PKD1L1: variants seen among roughly 807,000 people sequenced by gnomAD.
PKD1L1 encodes polycystin-1-like protein 1.
In PKD1L1, 236 loss-of-function variants were observed where a neutral mutation model predicts 323.4. That is an observed-to-expected ratio of 0.73 (90% CI 0.66 to 0.81). The LOEUF (loss-of-function observed/expected upper bound fraction) is 0.81, where lower values mean the gene tolerates loss of function less well. Ranked by LOEUF, PKD1L1 falls within the 40% of genes least tolerant of loss-of-function variation. PKD1L1 has a pLI of 0.00. For missense variants in PKD1L1, 3,320 were observed against 3,508.0 expected (o/e 0.95, Z 1.35); for synonymous variants, 1,344 against 1,335.0 (o/e 1.01, Z -0.15).
At chr7:47,822,242 C>T (rs1314062790) in intron 45 of PKD1L1, among the ~76,000 whole-genome samples, 2 of 152,076 alleles carry the variant, frequency 1.3e-5, no homozygotes, top group African/African-American at 4.8e-5. Flanking sequence ...TATTCTAGTT[C>T]CTTTGCTTTC....
At chr7:47,923,582 G>A (rs1000946087) in intron 7 of PKD1L1, among the ~76,000 whole-genome samples, 2 of 151,656 alleles carry the variant, frequency 1.3e-5, no homozygotes, top group Admixed American at 6.6e-5. Flanking sequence ...GGGCTCTTGA[G>A]CAGCCACTTG....
chr7:47,922,816 C>T (rs1258723270), intron 7 of PKD1L1, among the ~76,000 whole-genome samples: 5 of 152,280 alleles, frequency 3.3e-5, no homozygotes, highest in South Asian at 4.1e-4. Context: ...TCTGCCCGGC[C>T]GCCACCCTGT....
chr7:47,885,644 G>T, intron 18 of PKD1L1, 42 bp downstream of exon 18: 1 of 1,568,666 alleles, frequency 6.4e-7, no homozygotes, highest in Non-Finnish European at 8.6e-7. Flanking sequence ...TAACTTTGGT[G>T]CCTAGACAAG....
At chr7:47,901,958 C>T (rs1159986642) in intron 13 of PKD1L1, among the ~76,000 whole-genome samples, 1 of 151,406 alleles carries the variant, frequency 6.6e-6, no homozygotes, top group Non-Finnish European at 1.5e-5. Flanking sequence ...TTTGGTGTTA[C>T]ATATATTCAA....
chr7:47,915,322 G>C, intron 8 of PKD1L1, 110 bp downstream of exon 8: 1 of 680,536 alleles, frequency 1.5e-6, no homozygotes, highest in South Asian at 1.6e-5. Context: ...CCCATAGAGT[G>C]TATAGCCAAT....
chr7:47,786,650 T>A (rs1786814077), intron 56 of PKD1L1, among the ~76,000 whole-genome samples: 1 of 152,116 alleles, frequency 6.6e-6, no homozygotes, highest in Non-Finnish European at 1.5e-5. Flanking sequence ...CAAAAGCAAA[T>A]CAAGAGGAAA....
intron 1 of PKD1L1, 137 bp from the exon 2 acceptor site, chr7:47,943,648 A>T: frequency 1.6e-6 from 1 of 642,546 alleles, no homozygotes; most frequent in East Asian, 2.9e-5. Flanking sequence ...TGCCATATGA[A>T]CAAAAAGACT....
chr7:47,906,192 C>T (rs570560931), intron 9 of PKD1L1, among the ~76,000 whole-genome samples: 28 of 152,262 alleles, frequency 1.8e-4, no homozygotes, highest in African/African-American at 6.5e-4. Flanking sequence ...AATGAGAACT[C>T]CCTGCATGGT....
At chr7:47,908,488 C>CT (rs1272103622) in intron 8 of PKD1L1, among the ~76,000 whole-genome samples, 7 of 152,184 alleles carry the variant, frequency 4.6e-5, no homozygotes, top group Non-Finnish European at 8.8e-5. Flanking sequence ...TCTTGAAATT[C>CT]TTCATAATTA....
intron 4 of PKD1L1, among the ~76,000 whole-genome samples, chr7:47,934,644 C>T (rs369298216): frequency 6.6e-6 from 1 of 152,022 alleles, no homozygotes; most frequent in African/African-American, 2.4e-5. Context: ...AAAGGGCACC[C>T]GTGTCTGTCC....
At chr7:47,838,800 C>T (rs1785507165) in intron 36 of PKD1L1, among the ~76,000 whole-genome samples, 1 of 150,556 alleles carries the variant, frequency 6.6e-6, no homozygotes, top group African/African-American at 2.4e-5. Flanking sequence ...ATCACTTGAA[C>T]CCGGGAGGCA....
intron 31 of PKD1L1, among the ~76,000 whole-genome samples, chr7:47,847,306 T>C (rs1195005360): frequency 6.6e-6 from 1 of 152,176 alleles, no homozygotes; most frequent in Non-Finnish European, 1.5e-5. Context: ...TGGTAGAGAA[T>C]TGGGAAGAAA....
intron 24 of PKD1L1, among the ~76,000 whole-genome samples, chr7:47,866,924 G>A (rs556795776): frequency 6.6e-6 from 1 of 152,264 alleles, no homozygotes; most frequent in East Asian, 1.9e-4. Context: ...ATACCACCAC[G>A]CTACAGCTGG....
chr7:47,959,798 G>A, the PKD1L1 span, among the ~76,000 whole-genome samples: 2 of 148,502 alleles, frequency 1.3e-5, no homozygotes, highest in Admixed American at 6.7e-5. Flanking sequence ...GGTGAGGGGC[G>A]CCTCTGCCCG....
the PKD1L1 span, among the ~76,000 whole-genome samples, chr7:47,956,501 G>A: frequency 9.8e-4 from 149 of 152,324 alleles, 1 homozygote; most frequent in African/African-American, 3.4e-3. Flanking sequence ...TACACGGGCT[G>A]TAGCGTTCAC....
chr7:47,821,713 A>T (rs1041390448), intron 45 of PKD1L1, among the ~76,000 whole-genome samples: 6 of 150,382 alleles, frequency 4.0e-5, no homozygotes, highest in African/African-American at 1.5e-4. Flanking sequence ...TTTTTGAGGC[A>T]ATCTAGCTCT....
chr7:47,786,897 C>T (rs556831488), intron 56 of PKD1L1, among the ~76,000 whole-genome samples: 216 of 152,120 alleles, frequency 1.4e-3, no homozygotes, highest in South Asian at 2.7e-3. Flanking sequence ...TTAAGGGGGC[C>T]GAGCTGGCAA....
intron 7 of PKD1L1, among the ~76,000 whole-genome samples, chr7:47,922,368 C>T (rs137911196): frequency 0.011 from 1,633 of 151,676 alleles, 13 homozygotes; most frequent in Non-Finnish European, 0.018. Flanking sequence ...TCTGCCTGGC[C>T]GCCCATCGTC....
At chr7:47,902,588 C>T in intron 12 of PKD1L1, 77 bp from the exon 13 acceptor site, 1 of 1,485,728 alleles carries the variant, frequency 6.7e-7, no homozygotes, top group Non-Finnish European at 9.2e-7. Flanking sequence ...TTCATACCCA[C>T]TCATATCTGC....
Sources: allele counts gnomAD v4.1 joint callset (sites outside exome capture counted in the v4.1 genomes callset), GRCh38; gene constraint gnomAD v4.1.1; transcripts MANE v1.5; gene names NCBI Gene and HGNC (gene_info 2026-07-23, HGNC 2026-07-21).